PALLD: variants seen among roughly 807,000 people sequenced by gnomAD.
PALLD encodes the protein palladin.
PALLD carries 61 observed loss-of-function variants against 123.5 expected under a neutral mutation model. That is an observed-to-expected ratio of 0.49 (90% CI 0.40 to 0.61). The LOEUF is 0.61. Among genes scored for constraint, PALLD ranks in the 20% least tolerant of loss-of-function variants. The pLI, the probability that PALLD is intolerant of heterozygous loss-of-function variation, is 0.00. For missense variants in PALLD, 1,273 were observed against 1,377.0 expected (o/e 0.92, Z 1.20); for synonymous variants, 465 against 496.4 (o/e 0.94, Z 0.84).
intron 10 of PALLD, among the ~76,000 whole-genome samples, chr4:168,865,652 TATA>T (rs1750159081): frequency 1.3e-5 from 2 of 152,188 alleles, no homozygotes; most frequent in East Asian, 1.9e-4. Flanking sequence ...CACCATATGA[TATA>T]ATGTTTCTAA....
At chr4:168,779,251 G>A (rs1212886330) in intron 10 of PALLD, among the ~76,000 whole-genome samples, 1 of 152,088 alleles carries the variant, frequency 6.6e-6, no homozygotes, top group East Asian at 1.9e-4. Context: ...AAGCATCAGT[G>A]CTTCTTCTCT....
At position 168,746,215 on chromosome 4, in the gene PALLD, A is replaced by C. The variant is rs142114007; in HGVS notation, c.1964+34292A>C. On this transcript the variant is annotated intron_variant, in intron 10 of 21. Coordinates refer to ENST00000505667, the MANE Select transcript of PALLD (RefSeq NM_001166108.2). Reference sequence around the variant, plus strand: ...GAATTCTATAAAGCCTGCTTGGATAATCAGCTTACCCTAATTCAGCTCTTT... The same window carrying C: ...GAATTCTATAAAGCCTGCTTGGATACTCAGCTTACCCTAATTCAGCTCTTT... Among the ~76,000 whole-genome samples the C allele has an allele frequency of 4.1e-3, 619 of 151,916 alleles. 5 individuals are homozygous for C. Among genetic ancestry groups the C allele is most frequent in the African/African-American group, 0.014 (577 of 41,410 alleles).
At chr4:168,539,920 G>T (rs914138556) in intron 2 of PALLD, among the ~76,000 whole-genome samples, 1 of 151,980 alleles carries the variant, frequency 6.6e-6, no homozygotes, top group African/African-American at 2.4e-5. Flanking sequence ...CCCAGGTATT[G>T]AGCATAGTAC....
At chr4:168,815,762 G>A (rs939846904) in intron 10 of PALLD, among the ~76,000 whole-genome samples, 3 of 152,158 alleles carry the variant, frequency 2.0e-5, no homozygotes, top group Non-Finnish European at 2.9e-5. Flanking sequence ...GACCATTTTC[G>A]GTGGCTAAAT....
At chr4:168,830,213 C>G (rs1394335785) in intron 10 of PALLD, among the ~76,000 whole-genome samples, 1 of 124,908 alleles carries the variant, frequency 8.0e-6, no homozygotes, top group Non-Finnish European at 1.6e-5. Flanking sequence ...GCTTGGGTGA[C>G]AGAGTGAGAC....
At chr4:168,907,803 C>T (rs1420933614) in intron 15 of PALLD, among the ~76,000 whole-genome samples, 1 of 151,598 alleles carries the variant, frequency 6.6e-6, no homozygotes, top group Non-Finnish European at 1.5e-5. Context: ...TGATTTCAGC[C>T]AAGGGTAAAA....
chr4:168,737,164 A>G (rs13122019), intron 10 of PALLD, among the ~76,000 whole-genome samples: 83,942 of 152,126 alleles, frequency 0.55, 23,394 homozygotes, highest in East Asian at 0.63. Context: ...GACCTACAAA[A>G]CAAATAGGGC....
chr4:168,514,927 G>C (rs1185183040), intron 2 of PALLD, among the ~76,000 whole-genome samples: 2 of 152,178 alleles, frequency 1.3e-5, no homozygotes, highest in Non-Finnish European at 2.9e-5. Context: ...GGGGGTAGCA[G>C]AACTAAAATT....
chr4:168,921,756 G>A lies in PALLD; in HGVS notation c.3058+15G>A. 6.3e-7 allele frequency: 1 copy of A among 1,590,780 alleles called. No homozygotes were observed. Among genetic ancestry groups the A allele is most frequent in the Non-Finnish European group, 8.6e-7 (1 of 1,160,914 alleles). On this transcript the variant is annotated intron_variant, in intron 18 of 21. Coordinates refer to ENST00000505667, the MANE Select transcript of PALLD (RefSeq NM_001166108.2). ...TGTGGTTGCTGGTAGGCTCATCTGTGAATCCTTGCTCTCTGACAGAATGAA... is the reference window on the plus strand; with the variant it reads ...TGTGGTTGCTGGTAGGCTCATCTGTAAATCCTTGCTCTCTGACAGAATGAA...
intron 2 of PALLD, among the ~76,000 whole-genome samples, chr4:168,641,962 G>C (rs963796567): frequency 6.6e-6 from 1 of 152,138 alleles, no homozygotes; most frequent in Non-Finnish European, 1.5e-5. Flanking sequence ...CGCAATGAAT[G>C]TTGATTGGGC....
chr4:168,905,898 C>T (rs1230588179), intron 15 of PALLD, among the ~76,000 whole-genome samples: 1 of 147,860 alleles, frequency 6.8e-6, no homozygotes, highest in Non-Finnish European at 1.5e-5. Flanking sequence ...CTCCTGGGTT[C>T]AAGCAATTCT....
intron 2 of PALLD, among the ~76,000 whole-genome samples, chr4:168,528,838 G>C (rs138247215): frequency 3.5e-4 from 54 of 152,178 alleles, no homozygotes; most frequent in Admixed American, 3.2e-3. Flanking sequence ...GCTACCACAG[G>C]GGAACTCTTA....
At chr4:168,568,523 C>T (rs895322004) in intron 2 of PALLD, among the ~76,000 whole-genome samples, 2 of 151,978 alleles carry the variant, frequency 1.3e-5, no homozygotes, top group Non-Finnish European at 2.9e-5. Context: ...AGAAAAACAT[C>T]TGTCTTTAAA....
intron 2 of PALLD, among the ~76,000 whole-genome samples, chr4:168,595,139 C>T (rs1352094375): frequency 6.6e-6 from 1 of 152,150 alleles, no homozygotes; most frequent in Non-Finnish European, 1.5e-5. Flanking sequence ...TAAATGTTTG[C>T]TGTCCTTGAC....
At chr4:168,602,094 C>G (rs1026166892) in intron 2 of PALLD, among the ~76,000 whole-genome samples, 7 of 152,198 alleles carry the variant, frequency 4.6e-5, no homozygotes, top group Non-Finnish European at 7.3e-5. Context: ...TTGAGTCAGA[C>G]AGTTGGTCTG....
At chr4:168,806,605 G>C (rs1378097366) in intron 10 of PALLD, among the ~76,000 whole-genome samples, 1 of 152,166 alleles carries the variant, frequency 6.6e-6, no homozygotes, top group Non-Finnish European at 1.5e-5. Context: ...TGTGAGAACA[G>C]ACTAATACAT....
At chr4:168,750,479 T>C (rs1325055364) in intron 10 of PALLD, among the ~76,000 whole-genome samples, 1 of 152,218 alleles carries the variant, frequency 6.6e-6, no homozygotes, top group Non-Finnish European at 1.5e-5. Context: ...GCCAGGGGAT[T>C]CTACAAAGGT....
intron 10 of PALLD, chr4:168,832,246 G>T: frequency 1.0e-6 from 1 of 959,704 alleles, no homozygotes; most frequent in Non-Finnish European, 1.2e-6. Flanking sequence ...TGCAGGGTGG[G>T]CCGCGAGTCG....
At chr4:168,752,825 T>C (rs1401967908) in intron 10 of PALLD, among the ~76,000 whole-genome samples, 2 of 151,786 alleles carry the variant, frequency 1.3e-5, no homozygotes, top group African/African-American at 4.9e-5. Flanking sequence ...ATTCCCAATG[T>C]ATATTATTAT....
Sources: gnomAD v4.1 joint callset for allele counts (sites outside exome capture counted in the v4.1 genomes callset) on GRCh38, gnomAD v4.1.1 for gene constraint, MANE v1.5 for transcripts, NCBI Gene and HGNC (gene_info 2026-07-23, HGNC 2026-07-21) for gene names.